Variants in LRRC49 observed in about 807,000 individuals in gnomAD.
LRRC49 encodes leucine-rich repeat-containing protein 49.
LRRC49 carries 50 observed loss-of-function variants against 83.3 expected under a neutral mutation model. The observed-to-expected ratio is 0.60, with a 90% CI of 0.48 to 0.76. LRRC49 has a LOEUF of 0.76. Ranked by LOEUF, LRRC49 falls within the 30% of genes least tolerant of loss-of-function variation. The pLI, the probability that LRRC49 is intolerant of heterozygous loss-of-function variation, is 0.00. For missense variants in LRRC49, 704 were observed against 809.1 expected, an observed-to-expected ratio of 0.87 and a Z score of 1.58; for synonymous variants, 286 against 283.3, an observed-to-expected ratio of 1.01 and a Z score of -0.10.
intron 2 of LRRC49, among the ~76,000 whole-genome samples, chr15:70,885,829 A>C (rs1358286438): frequency 6.6e-6 from 1 of 152,196 alleles, no homozygotes; most frequent in Non-Finnish European, 1.5e-5. Flanking sequence ...AGGATATAGG[A>C]AATTTAAACA....
At chr15:70,885,619 T>G in intron 2 of LRRC49, among the ~76,000 whole-genome samples, 1 of 152,212 alleles carries the variant, frequency 6.6e-6, no homozygotes, top group East Asian at 1.9e-4. Flanking sequence ...AGAAAGCTGG[T>G]GTTGCTATAT....
At chr15:71,042,302 A>G (rs909324218) in intron 15 of LRRC49, among the ~76,000 whole-genome samples, 1 of 152,308 alleles carries the variant, frequency 6.6e-6, no homozygotes, top group South Asian at 2.1e-4. Flanking sequence ...GCTTCAGTGC[A>G]GTCATGTAAG....
At chr15:71,038,639 A>C (rs1383134341) in intron 15 of LRRC49, among the ~76,000 whole-genome samples, 1 of 152,182 alleles carries the variant, frequency 6.6e-6, no homozygotes, top group Non-Finnish European at 1.5e-5. Context: ...GTGAAAGGTC[A>C]ATGTTTCATG....
chr15:70,932,145 A>C (rs1002190686), intron 7 of LRRC49, among the ~76,000 whole-genome samples: 11 of 152,212 alleles, frequency 7.2e-5, no homozygotes, highest in African/African-American at 2.7e-4. Context: ...ATTGACTGAT[A>C]TCTATTGCTG....
chr15:70,969,593 T>C (rs902061892), intron 9 of LRRC49, among the ~76,000 whole-genome samples: 1 of 152,218 alleles, frequency 6.6e-6, no homozygotes, highest in Non-Finnish European at 1.5e-5. Flanking sequence ...TTTCACTATA[T>C]TGATTCTTCC....
intron 15 of LRRC49, among the ~76,000 whole-genome samples, chr15:71,047,437 T>C (rs1284874805): frequency 6.6e-6 from 1 of 152,228 alleles, no homozygotes; most frequent in African/African-American, 2.4e-5. Context: ...TCATTTTCTT[T>C]GTGGCTATTG....
At chr15:70,893,911 G>T (rs796346373) in intron 2 of LRRC49, among the ~76,000 whole-genome samples, 11 of 150,188 alleles carry the variant, frequency 7.3e-5, no homozygotes, top group African/African-American at 2.7e-4. Context: ...TCTTGAGACA[G>T]GGTCTAGCTG....
chr15:70,882,720 ATCAAT>A (rs751696400), intron 2 of LRRC49: 179 of 1,612,994 alleles, frequency 1.1e-4, no homozygotes, highest in Non-Finnish European at 9.6e-5. Flanking sequence ...TATACGAAAG[ATCAAT>A]TCAATTGCTT....
At chr15:70,903,931 A>G (rs1050098062) in intron 4 of LRRC49, among the ~76,000 whole-genome samples, 1 of 152,204 alleles carries the variant, frequency 6.6e-6, no homozygotes, top group African/African-American at 2.4e-5. Flanking sequence ...TGCAAAGTTC[A>G]AAGTGTTGAG....
At chr15:71,006,398 T>C (rs1274971453) in intron 11 of LRRC49, among the ~76,000 whole-genome samples, 1 of 152,100 alleles carries the variant, frequency 6.6e-6, no homozygotes, top group Non-Finnish European at 1.5e-5. Context: ...GATACATAAC[T>C]CTGATTCCCC....
intron 7 of LRRC49, among the ~76,000 whole-genome samples, chr15:70,924,128 G>A (rs1047456084): frequency 1.6e-4 from 25 of 151,744 alleles, no homozygotes; most frequent in African/African-American, 6.0e-4. Flanking sequence ...TCATGACATT[G>A]ACATTTGTGA....
chr15:70,867,045 G>A (rs191591006), intron 1 of LRRC49, among the ~76,000 whole-genome samples: 4 of 126,346 alleles, frequency 3.2e-5, no homozygotes, highest in African/African-American at 5.5e-5. Flanking sequence ...GAGGCTGATC[G>A]GAACGGAATC....
At chr15:70,856,103 A>T (rs1257363218) in intron 1 of LRRC49, among the ~76,000 whole-genome samples, 1 of 152,142 alleles carries the variant, frequency 6.6e-6, no homozygotes, top group Non-Finnish European at 1.5e-5. Context: ...CAATTCATAC[A>T]TGTCTTTTCA....
At chr15:70,994,548 C>T (rs942038537) in intron 11 of LRRC49, among the ~76,000 whole-genome samples, 10 of 152,256 alleles carry the variant, frequency 6.6e-5, no homozygotes, top group Non-Finnish European at 1.5e-4. Context: ...GATCTCGGCT[C>T]ACTGCAACCT....
intron 8 of LRRC49, among the ~76,000 whole-genome samples, chr15:70,963,357 G>T (rs565941251): frequency 1.2e-4 from 18 of 151,776 alleles, no homozygotes; most frequent in African/African-American, 4.3e-4. Flanking sequence ...CTAATAGGGG[G>T]TCATCCTACA....
intron 8 of LRRC49, among the ~76,000 whole-genome samples, chr15:70,940,306 G>T (rs2035764115): frequency 6.9e-6 from 1 of 145,328 alleles, no homozygotes; most frequent in Non-Finnish European, 1.5e-5. Context: ...GCCCAGGCTG[G>T]AGCGCAGTAG....
chr15:70,967,268 A>T (rs1214239499), intron 9 of LRRC49, among the ~76,000 whole-genome samples: 1 of 152,112 alleles, frequency 6.6e-6, no homozygotes, highest in Admixed American at 6.6e-5. Flanking sequence ...ATATCATAAT[A>T]AGGAGTTTAG....
chr15:71,029,215 T>C (rs989372761), intron 14 of LRRC49, among the ~76,000 whole-genome samples: 1 of 152,220 alleles, frequency 6.6e-6, no homozygotes, highest in African/African-American at 2.4e-5. Context: ...CGAGTAGTCA[T>C]TCAGGAGCAG....
intron 4 of LRRC49, among the ~76,000 whole-genome samples, chr15:70,901,675 C>T (rs2034085910): frequency 6.6e-6 from 1 of 152,146 alleles, no homozygotes; most frequent in African/African-American, 2.4e-5. Context: ...ATTTATTACC[C>T]TATAACATAA....
Sources: allele counts gnomAD v4.1 joint callset (sites outside exome capture counted in the v4.1 genomes callset), GRCh38; gene constraint gnomAD v4.1.1; transcripts MANE v1.5; gene names NCBI Gene and HGNC (gene_info 2026-07-23, HGNC 2026-07-21).